Variants in PLXDC2 observed in about 807,000 individuals in gnomAD.
The protein encoded by PLXDC2 is plexin domain containing 2.
A neutral mutation model predicts 68.9 loss-of-function variants in PLXDC2; 40 were observed. The ratio of observed to expected loss-of-function variants is 0.58; its 90% CI spans 0.45 to 0.76. The LOEUF (loss-of-function observed/expected upper bound fraction) is 0.76, where lower values mean the gene tolerates loss of function less well. PLXDC2 is among the 30% of genes least tolerant of loss of function. The pLI, the probability that PLXDC2 is intolerant of heterozygous loss-of-function variation, is 0.00. For missense variants in PLXDC2, 644 were observed against 661.9 expected (o/e 0.97, Z 0.30); for synonymous variants, 243 against 234.2 (o/e 1.04, Z -0.34).
At chr10:19,911,308 A>G (rs190171441) in intron 1 of PLXDC2, among the ~76,000 whole-genome samples, 35 of 152,236 alleles carry the variant, frequency 2.3e-4, no homozygotes, top group Non-Finnish European at 5.0e-4. Context: ...ATAAAAATCT[A>G]AAGTTTACCC....
At chr10:20,105,850 G>A (rs11011804) in intron 4 of PLXDC2, among the ~76,000 whole-genome samples, 12,541 of 152,230 alleles carry the variant, frequency 0.082, 999 homozygotes, top group African/African-American at 0.21. Flanking sequence ...TGATGTGGAC[G>A]AGAGCATTAT....
intron 12 of PLXDC2, among the ~76,000 whole-genome samples, chr10:20,222,158 A>G (rs1004924255): frequency 2.0e-4 from 30 of 152,042 alleles, no homozygotes; most frequent in African/African-American, 5.8e-4. Context: ...GTAAGTAGCT[A>G]GAAACAAATG....
chr10:20,176,618 C>T (rs1235682508), intron 7 of PLXDC2, among the ~76,000 whole-genome samples: 3 of 152,064 alleles, frequency 2.0e-5, no homozygotes, highest in African/African-American at 7.2e-5. Flanking sequence ...TCTAATTACC[C>T]ATTTCTAAAC....
chr10:20,077,495 C>T (rs1404255181), intron 4 of PLXDC2, among the ~76,000 whole-genome samples: 4 of 152,134 alleles, frequency 2.6e-5, no homozygotes, highest in East Asian at 1.9e-4. Context: ...AATGGGGTTA[C>T]GATGGGGTTA....
chr10:19,865,498 T>G (rs1157727187), intron 1 of PLXDC2, among the ~76,000 whole-genome samples: 1 of 152,196 alleles, frequency 6.6e-6, no homozygotes, highest in Non-Finnish European at 1.5e-5. Flanking sequence ...AAAGATAGCC[T>G]CTTTGGTTTT....
chr10:19,963,515 T>A (rs1230322790), intron 1 of PLXDC2, among the ~76,000 whole-genome samples: 1 of 152,134 alleles, frequency 6.6e-6, no homozygotes, highest in Non-Finnish European at 1.5e-5. Flanking sequence ...CCATAAAAAA[T>A]GATGAATTCA....
In PLXDC2 at chr10:20,279,957, T is replaced by C; in HGVS notation, c.*138T>C. On this transcript the variant is annotated 3_prime_UTR_variant, in exon 14 of 14. Transcript: ENST00000377252. ...TGTAGCCTGAAGAAGACAAGATTTC[T>C]GGACAAGCTCAGCCCAGGAAACAAA... The C allele has an allele frequency of 1.5e-6, 1 of 675,434 alleles. No homozygotes were observed. The highest frequency in any genetic ancestry group is 2.6e-6 in the Non-Finnish European group (1 of 390,056). The allele number at this position is 675,434 out of a possible 1,614,324, so 41.8% of individuals were successfully genotyped here. A position where few individuals can be genotyped will look rare whatever the true frequency, so the allele number is the denominator to read the frequency against.
chr10:19,951,397 G>GA (rs918197573), intron 1 of PLXDC2, among the ~76,000 whole-genome samples: 4 of 151,632 alleles, frequency 2.6e-5, no homozygotes, highest in South Asian at 2.1e-4. Context: ...ACAAACATAT[G>GA]AAAAAAAATG....
intron 4 of PLXDC2, among the ~76,000 whole-genome samples, chr10:20,118,379 AG>A (rs1476825056): frequency 1.3e-5 from 2 of 151,934 alleles, no homozygotes; most frequent in African/African-American, 2.4e-5. Flanking sequence ...GCTGGGGGAG[AG>A]AAGGAGGAGT....
At chr10:20,098,200 T>C (rs536914833) in intron 4 of PLXDC2, among the ~76,000 whole-genome samples, 1 of 152,242 alleles carries the variant, frequency 6.6e-6, no homozygotes, top group South Asian at 2.1e-4. Context: ...GAAATCAGAA[T>C]TGGCAGTGCT....
intron 12 of PLXDC2, among the ~76,000 whole-genome samples, chr10:20,238,694 C>T (rs200512678): frequency 6.5e-3 from 149 of 22,920 alleles, no homozygotes; most frequent in East Asian, 7.8e-3. Context: ...TATATATATA[C>T]ACACATATAT....
intron 2 of PLXDC2, among the ~76,000 whole-genome samples, chr10:20,022,633 C>G (rs1366922316): frequency 3.3e-5 from 5 of 152,244 alleles, no homozygotes; most frequent in African/African-American, 9.6e-5. Context: ...ACTCCCTCCT[C>G]TACACGCTTT....
At chr10:20,001,479 A>C (rs1834936181) in intron 1 of PLXDC2, among the ~76,000 whole-genome samples, 1 of 152,068 alleles carries the variant, frequency 6.6e-6, no homozygotes. Flanking sequence ...GTGCGTGTGG[A>C]GGGGGCAAGG....
chr10:20,024,190 T>C (rs1835358618), intron 2 of PLXDC2, among the ~76,000 whole-genome samples: 1 of 152,206 alleles, frequency 6.6e-6, no homozygotes, highest in South Asian at 2.1e-4. Context: ...GTTGGTGTTT[T>C]TCTTGTAATA....
intron 4 of PLXDC2, among the ~76,000 whole-genome samples, chr10:20,140,644 G>T (rs1183548065): frequency 6.6e-6 from 1 of 151,918 alleles, no homozygotes; most frequent in East Asian, 1.9e-4. Flanking sequence ...CACTACTGAA[G>T]TGATATTTTT....
In PLXDC2 at chr10:19,924,235, A is replaced by G. The variant is rs528162371; in HGVS notation, c.113-77540A>G. Among the ~76,000 whole-genome samples the G allele has an allele frequency of 6.4e-4, 97 of 152,198 alleles. No homozygotes were observed. The South Asian group carries it at 8.9e-3, about 14-fold the overall frequency. On this transcript the variant is annotated intron_variant, in intron 1 of 13. Transcript: ENST00000377252. ...CTGTTTGGCCATTGAGTTGCCTCCC[A>G]TCTCTCACTCTCTTCCTTTACGTTT... is the stretch of plus-strand genomic sequence containing the variant.
intron 13 of PLXDC2, among the ~76,000 whole-genome samples, chr10:20,256,441 T>A (rs1410391706): frequency 1.1e-5 from 1 of 90,868 alleles, no homozygotes; most frequent in African/African-American, 3.2e-5. Flanking sequence ...CCCCCCAAAC[T>A]TTTTTTTAAC....
intron 4 of PLXDC2, among the ~76,000 whole-genome samples, chr10:20,094,770 A>G (rs956877812): frequency 2.0e-5 from 3 of 152,166 alleles, no homozygotes; most frequent in African/African-American, 4.8e-5. Flanking sequence ...CATCATTTAG[A>G]GTCATCAAAT....
intron 1 of PLXDC2, among the ~76,000 whole-genome samples, chr10:19,864,917 A>G (rs1202096868): frequency 6.6e-6 from 1 of 152,142 alleles, no homozygotes; most frequent in Non-Finnish European, 1.5e-5. Context: ...AGGGTAAGTG[A>G]GAGTTGGAAA....
Sources: allele counts gnomAD v4.1 joint callset (sites outside exome capture counted in the v4.1 genomes callset), GRCh38; gene constraint gnomAD v4.1.1; transcripts MANE v1.5; gene names NCBI Gene and HGNC (gene_info 2026-07-23, HGNC 2026-07-21).